RAPH1: variants seen among roughly 807,000 people sequenced by gnomAD.
The protein encoded by RAPH1 is ras-associated and pleckstrin homology domains-containing protein 1.
A neutral mutation model predicts 88.1 loss-of-function variants in RAPH1; 18 were observed. The ratio of observed to expected loss-of-function variants is 0.20; its 90% CI spans 0.14 to 0.30. The LOEUF (loss-of-function observed/expected upper bound fraction) is 0.30. RAPH1 is among the 10% of genes least tolerant of loss of function. The pLI is 1.00. For synonymous variants in RAPH1, 587 were observed against 559.0 expected, an observed-to-expected ratio of 1.05 and a Z score of -0.71; for missense variants, 1,448 against 1,543.2, an observed-to-expected ratio of 0.94 and a Z score of 1.03.
intron 4 of RAPH1, among the ~76,000 whole-genome samples, chr2:203,466,918 G>C (rs1448073521): frequency 6.6e-6 from 1 of 152,206 alleles, no homozygotes; most frequent in African/African-American, 2.4e-5. Flanking sequence ...CTTACAGAAA[G>C]TGCTACTGTT....
chr2:203,463,989 T>A (rs917203217), intron 4 of RAPH1, among the ~76,000 whole-genome samples: 2 of 152,214 alleles, frequency 1.3e-5, no homozygotes, highest in Admixed American at 1.3e-4. Flanking sequence ...TCTGCAATAC[T>A]AGCATTTTCC....
chr2:203,522,314 G>A (rs1030544752), intron 1 of RAPH1, among the ~76,000 whole-genome samples: 6 of 152,136 alleles, frequency 3.9e-5, no homozygotes, highest in African/African-American at 1.4e-4. Flanking sequence ...AAAGCTATGT[G>A]TAAATAATGA....
chr2:203,505,173 AT>A (rs1451064856), intron 1 of RAPH1, among the ~76,000 whole-genome samples: 2 of 152,100 alleles, frequency 1.3e-5, no homozygotes, highest in Non-Finnish European at 1.5e-5. Context: ...ACTGGTACCA[AT>A]TTACTGCATT....
intron 1 of RAPH1, among the ~76,000 whole-genome samples, chr2:203,512,004 T>A (rs982907213): frequency 6.6e-6 from 1 of 151,240 alleles, no homozygotes; most frequent in Non-Finnish European, 1.5e-5. Context: ...TCCCAGCTAC[T>A]CGGGAGGCTG....
At position 203,435,811 on chromosome 2, in the gene RAPH1, T is replaced by A. The variant is rs1037378138; in HGVS notation, c.*3626A>T. The stretch of plus-strand genomic sequence containing the variant: ...CTTTGTGTTTATAACAAAATTACTT[T>A]TAGCTGAGGAACAAAGGTGACAAAG... On this transcript the variant is annotated 3_prime_UTR_variant, in exon 14 of 14. Transcript: ENST00000319170. 2 of 152,240 alleles carry A rather than the reference T, an allele frequency of 1.3e-5. No homozygotes were observed. Among genetic ancestry groups the A allele is most frequent in the Admixed American group, 6.5e-5 (1 of 15,282 alleles). The allele number at this position is 152,240 out of a possible 1,614,324, so 9.4% of individuals were successfully genotyped here.
At chr2:203,483,404 G>A (rs1687816672) in intron 4 of RAPH1, among the ~76,000 whole-genome samples, 1 of 152,176 alleles carries the variant, frequency 6.6e-6, no homozygotes, top group African/African-American at 2.4e-5. Context: ...TGAAAGGGAG[G>A]TAGAAAGAAA....
chr2:203,517,519 A>G (rs1242888288), intron 1 of RAPH1, among the ~76,000 whole-genome samples: 1 of 152,186 alleles, frequency 6.6e-6, no homozygotes, highest in African/African-American at 2.4e-5. Context: ...TCACCTGGAT[A>G]TAACTGACAT....
At position 203,448,539 on chromosome 2, in the gene RAPH1, C is replaced by T. The variant is rs1312359006; in HGVS notation, c.1512+199G>A. ...CAAGCTTTTACCAGCAATATTATTC[C>T]AAGTATACCAAATGTTAAAAGTTTA... is the stretch of plus-strand genomic sequence containing the variant. On this transcript the variant is annotated intron_variant, in intron 11 of 13. Coordinates refer to ENST00000319170, the MANE Select transcript of RAPH1 (RefSeq NM_213589.3). The surrounding 1 kb of genome is among the most constrained non-coding windows in gnomAD (Gnocchi z 4.1). 6.6e-6 allele frequency among the ~76,000 whole-genome samples: 1 copy of T among 152,084 alleles called. No homozygotes were observed. Among genetic ancestry groups the T allele is most frequent in the Non-Finnish European group, 1.5e-5 (1 of 68,004 alleles).
At chr2:203,464,432 C>T (rs555283503) in intron 4 of RAPH1, among the ~76,000 whole-genome samples, 4 of 152,124 alleles carry the variant, frequency 2.6e-5, no homozygotes, top group South Asian at 2.1e-4. Context: ...CCACCATGCC[C>T]GGCTAATTTT....
chr2:203,441,003 C>A lies in RAPH1; in HGVS notation c.2187G>T (p.Lys729Asn). Reference protein sequence around the residue: ...PTPGSAMAQLKPAPCAPSLPQ... With the variant: ...PTPGSAMAQLNPAPCAPSLPQ... ...GAAGGGATGGGGCACACGGTGCAGG[C>A]TTTAGCTGGGCCATGGCAGAGCCTG... The change falls in exon 14 of 14, where the codon AAG becomes AAT. Residue 729 changes from lysine to asparagine, a missense_variant. By Grantham distance (94) the Lys-to-Asn change is moderately conservative (BLOSUM62 0). Transcript: ENST00000319170. The A allele has an allele frequency of 7.6e-7, 1 of 1,317,082 alleles. No individual in the cohort carries two copies. The highest frequency in any genetic ancestry group is 2.1e-5 in the Admixed American group (1 of 46,874). 81.6% of individuals were successfully genotyped at this position (1,317,082 alleles called of 1,614,324 possible).
chr2:203,449,126 G>C (rs1264419305), intron 10 of RAPH1, among the ~76,000 whole-genome samples: 3 of 152,202 alleles, frequency 2.0e-5, no homozygotes, highest in Admixed American at 6.5e-5. Context: ...AAGAAACAAA[G>C]TTCATCAAGG....
At chr2:203,470,522 G>A (rs2098532130) in intron 4 of RAPH1, among the ~76,000 whole-genome samples, 1 of 152,208 alleles carries the variant, frequency 6.6e-6, no homozygotes, top group Non-Finnish European at 1.5e-5. Flanking sequence ...CATCATCCGT[G>A]CCAGTAGGCG....
rs778182108 is a variant in RAPH1, at chr2:203,441,201, C to A, written c.1989G>T (p.Met663Ile). Residue 663 changes from methionine to isoleucine, a missense_variant, in exon 14 of 14, where the codon ATG becomes ATT. Around this residue, in one of 2 missense-constraint regions of RAPH1, gnomAD observed 935 missense variants for 890.1 expected, o/e 1.05. Coordinates refer to ENST00000319170, the MANE Select transcript of RAPH1 (RefSeq NM_213589.3). ...SAPSAGSAAP[M>I]FVKYSTITRL... The stretch of plus-strand genomic sequence containing the variant: ...GTGTTATTGTGCTGTACTTGACGAA[C>A]ATTGGGGCTGCTGAGCCTGCAGAAG... 1 of 1,559,816 alleles carries A rather than the reference C, an allele frequency of 6.4e-7. No homozygotes were observed. Among genetic ancestry groups the A allele is most frequent in the South Asian group, 1.1e-5 (1 of 90,106 alleles).
intron 7 of RAPH1, among the ~76,000 whole-genome samples, chr2:203,458,975 G>C (rs1255021496): frequency 1.3e-5 from 2 of 152,042 alleles, no homozygotes; most frequent in Non-Finnish European, 2.9e-5. Context: ...TGTTAGCCAG[G>C]ATGGTCTCGA....
Position 203,444,975 on chromosome 2 carries a change from C to G in RAPH1, c.1669G>C (p.Gly557Arg). ...QSNHSNQSDS[G>R]VSDTQPAGHV... ...CCTGCTGGCTGGGTGTCAGAAACTCCGCTATCAGACTGATTGGAGTGGTTT... is the reference window on the plus strand; with the variant it reads ...CCTGCTGGCTGGGTGTCAGAAACTCGGCTATCAGACTGATTGGAGTGGTTT... The change falls in exon 13 of 14, where the codon GGA becomes CGA. Residue 557 changes from glycine to arginine, a missense_variant. By Grantham distance (125) the Gly-to-Arg change is moderately radical. This residue lies in a region of RAPH1 where 935 missense variants were observed against 890.1 expected (regional missense o/e 1.05). Coordinates refer to ENST00000319170, the MANE Select transcript of RAPH1 (RefSeq NM_213589.3). The G allele has an allele frequency of 6.2e-7, 1 of 1,614,068 alleles. No individual in the cohort carries two copies. The highest frequency in any genetic ancestry group is 1.1e-5 in the South Asian group (1 of 91,078).
In RAPH1 at chr2:203,436,767, G is replaced by A. The variant is rs774503119; in HGVS notation, c.*2670C>T. ...AGAAGGCACAGTACTAGTGTCGTGCGGCAGTAGATGCTTTCCATGAATACA... is the reference window on the plus strand; with the variant it reads ...AGAAGGCACAGTACTAGTGTCGTGCAGCAGTAGATGCTTTCCATGAATACA... On this transcript the variant is annotated 3_prime_UTR_variant, in exon 14 of 14. Coordinates refer to ENST00000319170, the MANE Select transcript of RAPH1 (RefSeq NM_213589.3). 3.9e-5 allele frequency: 6 copies of A among 152,290 alleles called. No homozygotes were observed. The East Asian group carries it at 5.8e-4, about 15-fold the overall frequency. The allele number at this position is 152,290 out of a possible 1,614,324, so 9.4% of individuals were successfully genotyped here.
intron 2 of RAPH1, among the ~76,000 whole-genome samples, chr2:203,492,831 C>T (rs1581354037): frequency 6.6e-6 from 1 of 151,362 alleles, no homozygotes; most frequent in African/African-American, 2.4e-5. Context: ...GAACTCTTAA[C>T]CTTTTTAAAG....
intron 1 of RAPH1, among the ~76,000 whole-genome samples, chr2:203,497,785 G>GT (rs1402157786): frequency 6.6e-6 from 1 of 151,998 alleles, no homozygotes; most frequent in Non-Finnish European, 1.5e-5. Flanking sequence ...AGAAGATTTG[G>GT]TTTTTACAAT....
chr2:203,438,378 TTG>T lies in RAPH1; in HGVS notation c.*1057_*1058del. On this transcript the variant is annotated 3_prime_UTR_variant, in exon 14 of 14. Transcript: ENST00000319170. ...AAAAAATGCATTTTAGAAAATGATTTTGTTTTTCATAATGCACCATATTGGGG... is the reference window on the plus strand; with the variant it reads ...AAAAAATGCATTTTAGAAAATGATTTTTTTTCATAATGCACCATATTGGGG... 3.0e-6 allele frequency: 1 copy of T among 330,882 alleles called. No homozygotes were observed. Among genetic ancestry groups the T allele is most frequent in the Non-Finnish European group, 5.8e-6 (1 of 173,200 alleles). 20.5% of individuals were successfully genotyped at this position (330,882 alleles called of 1,614,324 possible). A position where few individuals can be genotyped will look rare whatever the true frequency, so the allele number is the denominator to read the frequency against.
Sources: allele counts gnomAD v4.1 joint callset (sites outside exome capture counted in the v4.1 genomes callset), GRCh38; gene constraint gnomAD v4.1.1; regional missense constraint gnomAD v4.1.1; non-coding constraint Gnocchi (gnomAD v3.1); transcripts MANE v1.5; gene names NCBI Gene and HGNC (gene_info 2026-07-23, HGNC 2026-07-21).